MYBPC1: variants seen among roughly 807,000 people sequenced by gnomAD.
MYBPC1 encodes myosin-binding protein C, slow-type.
A neutral mutation model predicts 147.1 loss-of-function variants in MYBPC1; 52 were observed. The ratio of observed to expected loss-of-function variants is 0.35; its 90% CI spans 0.28 to 0.45. The LOEUF is 0.45. Ranked by LOEUF, MYBPC1 falls within the 20% of genes least tolerant of loss-of-function variation. The pLI, the probability that MYBPC1 is intolerant of heterozygous loss-of-function variation, is 1.00. For synonymous variants in MYBPC1, 477 were observed against 475.9 expected (o/e 1.00, Z -0.03); for missense variants, 1,228 against 1,440.3 (o/e 0.85, Z 2.39).
intron 3 of MYBPC1, among the ~76,000 whole-genome samples, chr12:101,621,227 A>G (rs1353241717): frequency 6.6e-6 from 1 of 152,206 alleles, no homozygotes; most frequent in Non-Finnish European, 1.5e-5. Context: ...TTCTAATTAC[A>G]TTACTTCTTT....
At chr12:101,694,332 T>C in the MYBPC1 span, among the ~76,000 whole-genome samples, 1 of 152,378 alleles carries the variant, frequency 6.6e-6, no homozygotes, top group Non-Finnish European at 1.5e-5. Context: ...TTTTGAAGTT[T>C]ATATAAGTAA....
At chr12:101,691,258 G>A in the MYBPC1 span, among the ~76,000 whole-genome samples, 5 of 152,088 alleles carry the variant, frequency 3.3e-5, no homozygotes, top group Non-Finnish European at 7.4e-5. Context: ...TTTTAGTAGC[G>A]ACTGGGCTTC....
Position 101,663,623 on chromosome 12 carries a change from T to C in MYBPC1, c.2356+63T>C, listed in dbSNP as rs1593984016. The C allele has an allele frequency of 3.9e-6, 6 of 1,547,148 alleles. No individual in the cohort carries two copies. In the East Asian group the frequency reaches 1.4e-4, roughly 36 times the overall value. ...AATAGGTGAGATATGTCCCTCCCCT[T>C]TCTTTTGTCTCTCTTTCTTGAGAAC... On this transcript the variant is annotated intron_variant, in intron 22 of 31. Transcript: ENST00000361466.
intron 3 of MYBPC1, among the ~76,000 whole-genome samples, chr12:101,620,038 A>ATGAT (rs994294966): frequency 1.3e-5 from 2 of 152,292 alleles, no homozygotes; most frequent in African/African-American, 4.8e-5. Context: ...ACGGGGTTTT[A>ATGAT]TGATTGTTTG....
chr12:101,629,475 A>G lies in MYBPC1; in HGVS notation c.220A>G (p.Lys74Glu). The G allele has an allele frequency of 6.2e-7, 1 of 1,614,032 alleles. No individual in the cohort carries two copies. Among genetic ancestry groups the G allele is most frequent in the Non-Finnish European group, 8.5e-7 (1 of 1,179,954 alleles). The change falls in exon 6 of 32, where the codon AAG becomes GAG. Residue 74 changes from lysine (K) to glutamate (E), a missense_variant. By Grantham distance (56) the Lys-to-Glu change is moderately conservative (BLOSUM62 1). This residue lies in a region of MYBPC1 where 151 missense variants were observed against 126.1 expected (regional missense o/e 1.20). Transcript: ENST00000361466. ...VETPPGEEQA[K>E]QNANSQLSIL... ...AACTCCTCCTGGGGAGGAACAAGCCAAGCAGAATGCCAACTCCCAGCTGTC... is the reference window on the plus strand; with the variant it reads ...AACTCCTCCTGGGGAGGAACAAGCCGAGCAGAATGCCAACTCCCAGCTGTC...
intron 25 of MYBPC1, 71 bp from the exon 26 acceptor site, chr12:101,675,221 A>G: frequency 6.3e-7 from 1 of 1,588,898 alleles, no homozygotes; most frequent in Non-Finnish European, 8.6e-7. Flanking sequence ...CTTTTAAAAT[A>G]TCCTCATGAA....
intron 22 of MYBPC1, chr12:101,666,834 A>G (rs752287818): frequency 1.3e-6 from 2 of 1,580,356 alleles, no homozygotes; most frequent in South Asian, 1.1e-5. Context: ...TTTTCTTACT[A>G]TATTATAATG....
rs3215353 is a variant in MYBPC1 at position 101,649,207 on chromosome 12, A to AT, written c.1197-48dup. 395,459 of 1,522,058 alleles carry AT rather than the reference A, an allele frequency of 0.26. 54,192 individuals are homozygous for AT. The highest frequency in any genetic ancestry group is 0.32 in the Middle Eastern group (1,884 of 5,876). The allele number at this position is 1,522,058 out of a possible 1,614,324, so 94.3% of individuals were successfully genotyped here. On this transcript the variant is annotated intron_variant, in intron 14 of 31. Transcript: ENST00000361466. ...TTGCAATAAGCAAGATGGACAAGGT[A>AT]TTTTTCCTGAAGGATCTTTTACAAA...
At chr12:101,606,837 C>T (rs1882389907) in intron 1 of MYBPC1, among the ~76,000 whole-genome samples, 1 of 151,854 alleles carries the variant, frequency 6.6e-6, no homozygotes, top group Non-Finnish European at 1.5e-5. Flanking sequence ...TTTTTTGTTT[C>T]TTTGTTTTGT....
At chr12:101,689,913 G>A (rs1283251418), downstream of MYBPC1, among the ~76,000 whole-genome samples, 4 of 152,172 alleles carry the variant, frequency 2.6e-5, no homozygotes, top group Admixed American at 1.3e-4. Flanking sequence ...GGTGGCTCAC[G>A]CCTGTAATCC....
chr12:101,678,309 A>G (rs551031043), intron 28 of MYBPC1, 71 bp downstream of exon 28: 10 of 1,583,698 alleles, frequency 6.3e-6, no homozygotes, highest in East Asian at 2.2e-5. Context: ...GTAAGTAACA[A>G]TGTAAACAAA....
rs546817430 is a variant in MYBPC1 at position 101,652,206 on chromosome 12, T to C, written c.1527-472T>C. 3.3e-5 allele frequency among the ~76,000 whole-genome samples: 5 copies of C among 152,264 alleles called. No homozygotes were observed. In the East Asian group the frequency reaches 9.7e-4, roughly 29 times the overall value. ...TGAGAAAATTCTATGTGTACAAAAATACATACTGTTTACACAGAAAGGATT... is the reference window on the plus strand; with the variant it reads ...TGAGAAAATTCTATGTGTACAAAAACACATACTGTTTACACAGAAAGGATT... On this transcript the variant is annotated intron_variant, in intron 16 of 31. Transcript: ENST00000361466.
rs1431883291 is a variant in MYBPC1 at position 101,685,608 on chromosome 12, T to C, written c.*46T>C. 1 of 1,534,322 alleles carries C rather than the reference T, an allele frequency of 6.5e-7. No individual in the cohort carries two copies. The highest frequency in any genetic ancestry group is 1.4e-5 in the African/African-American group (1 of 72,966). ...TGGGCTCTCCTTCTGCAGACTCCTC[T>C]TGCAAGGCGTACCTCCAAACATAAT... On this transcript the variant is annotated 3_prime_UTR_variant, in exon 32 of 32. Coordinates refer to ENST00000361466, the MANE Select transcript of MYBPC1 (RefSeq NM_002465.4).
rs1951329404 is a variant in MYBPC1 at position 101,685,930 on chromosome 12, T to C, written c.*368T>C. On this transcript the variant is annotated 3_prime_UTR_variant, in exon 32 of 32. Transcript: ENST00000361466. Reference sequence around the variant, plus strand: ...CTCACTGTATTATACTTTACAAAAATGCAAGTCATAGAATAAGCAAAAGCA... The same window carrying C: ...CTCACTGTATTATACTTTACAAAAACGCAAGTCATAGAATAAGCAAAAGCA... The C allele has an allele frequency of 3.7e-6, 1 of 268,632 alleles. No individual in the cohort carries two copies. Among genetic ancestry groups the C allele is most frequent in the Non-Finnish European group, 6.9e-6 (1 of 145,674 alleles). The allele number at this position is 268,632 out of a possible 1,614,324, so 16.6% of individuals were successfully genotyped here. A position where few individuals can be genotyped will look rare whatever the true frequency, so the allele number is the denominator to read the frequency against.
At chr12:101,608,755 T>C (rs866181501) in intron 1 of MYBPC1, among the ~76,000 whole-genome samples, 17 of 152,194 alleles carry the variant, frequency 1.1e-4, no homozygotes, top group Non-Finnish European at 8.8e-5. Context: ...GGTGTAATAT[T>C]CCTGAGAGTC....
chr12:101,598,265 CT>C (rs1486648557), intron 1 of MYBPC1, among the ~76,000 whole-genome samples: 1 of 152,172 alleles, frequency 6.6e-6, no homozygotes, highest in African/African-American at 2.4e-5. Context: ...GGTGGTCCAC[CT>C]GCCTCTGCCT....
chr12:101,643,803 G>A (rs76379987), intron 11 of MYBPC1, among the ~76,000 whole-genome samples: 5,342 of 151,976 alleles, frequency 0.035, 318 homozygotes, highest in African/African-American at 0.12. Flanking sequence ...ATTCCTAAAC[G>A]TATGTGCAAG....
In MYBPC1 at chr12:101,642,295, A is replaced by G. The variant is rs193276737; in HGVS notation, c.666-124A>G. On this transcript the variant is annotated intron_variant, in intron 10 of 31. Coordinates refer to ENST00000361466, the MANE Select transcript of MYBPC1 (RefSeq NM_002465.4). ...AAGCAAGACTTGACTTCTGGGCTTC[A>G]AGTACTCAGGCTTTAAACAGAGCTT... 7.3e-4 allele frequency: 737 copies of G among 1,003,660 alleles called. 2 individuals carry two copies. Among genetic ancestry groups the G allele is most frequent in the Non-Finnish European group, 3.2e-4 (211 of 650,134 alleles). 62.2% of individuals were successfully genotyped at this position (1,003,660 alleles called of 1,614,324 possible). A position where few individuals can be genotyped will look rare whatever the true frequency, so the allele number is the denominator to read the frequency against.
intron 1 of MYBPC1, among the ~76,000 whole-genome samples, chr12:101,607,725 A>G (rs1472986257): frequency 3.3e-5 from 5 of 152,194 alleles, no homozygotes; most frequent in South Asian, 2.1e-4. Context: ...TAAGATAGTT[A>G]AGTAGGTCAA....
Sources: gnomAD v4.1 joint callset for allele counts (sites outside exome capture counted in the v4.1 genomes callset) on GRCh38, gnomAD v4.1.1 for gene constraint, gnomAD v4.1.1 regional missense constraint, MANE v1.5 for transcripts, NCBI Gene and HGNC (gene_info 2026-07-23, HGNC 2026-07-21) for gene names.